The following FXR1 variants were observed in gnomAD, a reference collection of about 807,000 sequenced individuals.
FXR1 encodes the protein RNA-binding protein FXR1.
FXR1 carries 15 observed loss-of-function variants against 84.0 expected under a neutral mutation model. That is an observed-to-expected ratio of 0.18 (90% CI 0.12 to 0.27). The LOEUF is 0.27. Ranked by LOEUF, FXR1 falls within the 10% of genes least tolerant of loss-of-function variation. The probability of loss-of-function intolerance (pLI) is 1.00; values close to 1 mark genes in which losing one functional copy is unlikely to be tolerated. For missense variants in FXR1, 480 were observed against 774.4 expected (o/e 0.62, Z 4.51); for synonymous variants, 245 against 250.7 (o/e 0.98, Z 0.21).
chr3:180,925,080 C>G (rs974627614), intron 1 of FXR1, among the ~76,000 whole-genome samples: 1 of 151,994 alleles, frequency 6.6e-6, no homozygotes, highest in Non-Finnish European at 1.5e-5. Context: ...AAGGGCTCTC[C>G]TGGCCGGGCG....
chr3:180,924,183 C>T (rs1446211090), intron 1 of FXR1, among the ~76,000 whole-genome samples: 1 of 152,102 alleles, frequency 6.6e-6, no homozygotes, highest in East Asian at 1.9e-4. Context: ...CTCCTGACCT[C>T]AGGTGATCTG....
At chr3:180,968,962 G>A (rs570795427) in intron 14 of FXR1, among the ~76,000 whole-genome samples, 1 of 152,166 alleles carries the variant, frequency 6.6e-6, no homozygotes, top group South Asian at 2.1e-4. Flanking sequence ...ATATCATTAT[G>A]GTATACCACG....
At chr3:180,970,079 G>C in intron 14 of FXR1, 79 bp from the exon 15 acceptor site, 4 of 670,364 alleles carry the variant, frequency 6.0e-6, no homozygotes, top group Middle Eastern at 2.6e-4. Context: ...ATTTGTCATT[G>C]ATATAGTTCA....
intron 8 of FXR1, among the ~76,000 whole-genome samples, chr3:180,952,818 A>T (rs1226325889): frequency 2.7e-5 from 4 of 148,576 alleles, no homozygotes; most frequent in Admixed American, 6.8e-5. Context: ...TTTAAAAAAA[A>T]TTTTATTTGC....
At chr3:180,963,767 A>G (rs923029955) in intron 13 of FXR1, among the ~76,000 whole-genome samples, 3 of 152,174 alleles carry the variant, frequency 2.0e-5, no homozygotes, top group African/African-American at 4.8e-5. Flanking sequence ...ATAGTCAACA[A>G]TTCTCTAATC....
chr3:180,942,377 CAAAAAAAAAAAAAAAAAA>C (rs765066164), intron 3 of FXR1, among the ~76,000 whole-genome samples: 1 of 31,106 alleles, frequency 3.2e-5, no homozygotes, highest in African/African-American at 1.1e-4. Flanking sequence ...GACTCCGTCT[CAAAAAAAAAAAAAAAAAA>C]AAAAAAAAAA....
At chr3:180,946,809 C>T (rs1721740869) in intron 3 of FXR1, among the ~76,000 whole-genome samples, 1 of 152,160 alleles carries the variant, frequency 6.6e-6, no homozygotes, top group Admixed American at 6.5e-5. Context: ...CTGTTAACAG[C>T]CACTGATAGG....
At chr3:180,970,415 TATATA>T (rs1299145824) in intron 15 of FXR1, 57 bp downstream of exon 15, 53 of 290,348 alleles carry the variant, frequency 1.8e-4, no homozygotes, top group Non-Finnish European at 2.9e-4. Context: ...TATATATATA[TATATA>T]TAATTGTAAA....
At chr3:180,965,580 G>A (rs946338672) in intron 13 of FXR1, among the ~76,000 whole-genome samples, 4 of 152,072 alleles carry the variant, frequency 2.6e-5, no homozygotes, top group African/African-American at 9.7e-5. Flanking sequence ...AGTCTAGCGG[G>A]GATTCCCCTT....
chr3:180,952,953 C>G (rs1032193180), intron 8 of FXR1, among the ~76,000 whole-genome samples: 2 of 151,812 alleles, frequency 1.3e-5, no homozygotes, highest in African/African-American at 2.4e-5. Flanking sequence ...TGGCCTCAGC[C>G]TCTTGAATAG....
At chr3:180,923,627 G>A (rs1477859481) in intron 1 of FXR1, among the ~76,000 whole-genome samples, 1 of 152,096 alleles carries the variant, frequency 6.6e-6, no homozygotes, top group South Asian at 2.1e-4. Flanking sequence ...AAAGCTCCAG[G>A]AAGATTTACC....
At chr3:180,913,839 C>T (rs370561074) in intron 1 of FXR1, among the ~76,000 whole-genome samples, 10 of 152,320 alleles carry the variant, frequency 6.6e-5, no homozygotes, top group Non-Finnish European at 1.5e-4. Context: ...GAAGGGCCTT[C>T]TTCTAATACA....
intron 3 of FXR1, among the ~76,000 whole-genome samples, chr3:180,944,721 G>A (rs1721513612): frequency 6.6e-6 from 1 of 152,146 alleles, no homozygotes; most frequent in Admixed American, 6.6e-5. Flanking sequence ...GGGCTCAAGA[G>A]ATCCTTCCAC....
chr3:180,920,517 C>CCT (rs1421083849), intron 1 of FXR1, among the ~76,000 whole-genome samples: 7 of 127,378 alleles, frequency 5.5e-5, no homozygotes, highest in Non-Finnish European at 1.2e-4. Flanking sequence ...TAGTTTTGTT[C>CCT]TTTTTTTTTT....
At chr3:180,919,384 A>G (rs1486462672) in intron 1 of FXR1, among the ~76,000 whole-genome samples, 1 of 146,392 alleles carries the variant, frequency 6.8e-6, no homozygotes, top group African/African-American at 2.6e-5. Flanking sequence ...TCCTGGGTTC[A>G]CGTGATTCTC....
chr3:180,966,608 C>G (rs2108489238), intron 13 of FXR1, among the ~76,000 whole-genome samples: 1 of 152,296 alleles, frequency 6.6e-6, no homozygotes, highest in African/African-American at 2.4e-5. Context: ...AATTGTTATA[C>G]ACTCTGCCAG....
chr3:180,931,799 A>G (rs552177712), intron 1 of FXR1, among the ~76,000 whole-genome samples: 1 of 135,736 alleles, frequency 7.4e-6, no homozygotes, highest in Non-Finnish European at 1.5e-5. Context: ...GGAGTGCAGC[A>G]GCATGGTTAT....
rs1354455290 is a variant in FXR1, at chr3:180,977,304, C to T, written c.*1012C>T. The T allele has an allele frequency of 1.3e-5, 2 of 152,340 alleles. No individual in the cohort carries two copies. Among genetic ancestry groups the T allele is most frequent in the Non-Finnish European group, 1.5e-5 (1 of 67,966 alleles). The allele number at this position is 152,340 out of a possible 1,614,324, so 9.4% of individuals were successfully genotyped here. Reference sequence around the variant, plus strand: ...TTAAAATGTCAGTTGGCCATTTAATCATTTTGTAATGAATCATCTGAAATC... The same window carrying T: ...TTAAAATGTCAGTTGGCCATTTAATTATTTTGTAATGAATCATCTGAAATC... On this transcript the variant is annotated 3_prime_UTR_variant, in exon 17 of 17. Transcript: ENST00000357559.
intron 10 of FXR1, among the ~76,000 whole-genome samples, chr3:180,959,924 T>A (rs749227414): frequency 3.3e-5 from 5 of 152,144 alleles, no homozygotes; most frequent in Non-Finnish European, 5.9e-5. Flanking sequence ...AGAACTAAAA[T>A]GTCTTAAACC....
Sources: gnomAD v4.1 joint callset for allele counts (sites outside exome capture counted in the v4.1 genomes callset) on GRCh38, gnomAD v4.1.1 for gene constraint, MANE v1.5 for transcripts, NCBI Gene and HGNC (gene_info 2026-07-23, HGNC 2026-07-21) for gene names.